SIL1: variants seen among roughly 807,000 people sequenced by gnomAD.
The protein encoded by SIL1 is SIL1 nucleotide exchange factor, also known as nucleotide exchange factor SIL1.
In SIL1, 40 loss-of-function variants were observed where a neutral mutation model predicts 49.1. The ratio of observed to expected loss-of-function variants is 0.81; its 90% CI spans 0.63 to 1.06. The LOEUF is 1.06. Among genes scored for constraint, SIL1 ranks in the 50% least tolerant of loss-of-function variants. SIL1 has a pLI of 0.00. For synonymous variants in SIL1, 253 were observed against 250.8 expected (o/e 1.01, Z -0.08); for missense variants, 500 against 572.6 (o/e 0.87, Z 1.29).
intron 1 of SIL1, among the ~76,000 whole-genome samples, chr5:139,146,705 G>C (rs1422461942): frequency 1.3e-5 from 2 of 152,162 alleles, no homozygotes; most frequent in Admixed American, 1.3e-4. Flanking sequence ...TCATGAATGT[G>C]TGTTAAATTT....
intron 7 of SIL1, chr5:139,012,931 G>A (rs1409212680): frequency 6.6e-6 from 1 of 152,186 alleles, no homozygotes; most frequent in Non-Finnish European, 1.5e-5. Context: ...TCTAGGCTTG[G>A]GTGATACAGC....
chr5:138,951,287 G>A lies in SIL1; in HGVS notation c.913C>T (p.Arg305Trp), dbSNP rs758782317. 232 of 1,570,264 alleles carry A rather than the reference G, an allele frequency of 1.5e-4. No individual in the cohort carries two copies. The highest frequency in any genetic ancestry group is 2.4e-4 in the East Asian group (10 of 42,540). The change falls in exon 9 of 10, where the codon CGG (arginine) becomes TGG (tryptophan). Residue 305 changes from arginine (R) to tryptophan (W), a missense_variant. Transcript: ENST00000394817. ...SLLRHFPYAQ[R>W]QFLKLGGLQV... ...AGCCCCCCGAGCTTCAGGAACTGCC[G>A]CTGGGCATAGGGGAAGTGGCGCAGC...
chr5:139,142,746 C>G (rs1313484405), intron 1 of SIL1, among the ~76,000 whole-genome samples: 1 of 152,042 alleles, frequency 6.6e-6, no homozygotes, highest in Non-Finnish European at 1.5e-5. Flanking sequence ...CAAAGATACC[C>G]ACTTTCACCA....
intron 3 of SIL1, among the ~76,000 whole-genome samples, chr5:139,079,160 T>C (rs531570337): frequency 4.0e-4 from 61 of 152,238 alleles, no homozygotes; most frequent in African/African-American, 1.4e-3. Context: ...CAGTGAAACA[T>C]CAGATGAAAA....
At chr5:139,133,052 T>C (rs1750898141) in intron 1 of SIL1, among the ~76,000 whole-genome samples, 1 of 74,934 alleles carries the variant, frequency 1.3e-5, no homozygotes, top group Non-Finnish European at 2.7e-5. Context: ...CAATGGCCCC[T>C]GCATACCCTG....
chr5:139,082,245 C>T (rs537076948), intron 3 of SIL1, among the ~76,000 whole-genome samples: 1 of 152,282 alleles, frequency 6.6e-6, no homozygotes, highest in Admixed American at 6.5e-5. Context: ...CCTAGAGCAG[C>T]CTTCAGGCTG....
intron 3 of SIL1, among the ~76,000 whole-genome samples, chr5:139,112,697 G>A (rs1220821910): frequency 8.2e-4 from 122 of 148,576 alleles, no homozygotes; most frequent in African/African-American, 2.6e-3. Context: ...GCCTCCGCCC[G>A]GCCGCCGCCC....
chr5:139,103,612 A>G (rs1581102169), intron 3 of SIL1, among the ~76,000 whole-genome samples: 1 of 152,338 alleles, frequency 6.6e-6, no homozygotes. Flanking sequence ...GACCCTGCTC[A>G]TCTCAGAGAC....
chr5:139,167,250 G>A (rs2151813278), intron 1 of SIL1, among the ~76,000 whole-genome samples: 1 of 152,292 alleles, frequency 6.6e-6, no homozygotes, highest in African/African-American at 2.4e-5. Flanking sequence ...GTGAGCCACA[G>A]TACCCAGCCA....
At chr5:139,033,867 C>A (rs976814331) in intron 5 of SIL1, among the ~76,000 whole-genome samples, 4 of 152,120 alleles carry the variant, frequency 2.6e-5, no homozygotes, top group Admixed American at 2.6e-4. Context: ...CTCTTTAATA[C>A]CCTTACTGAT....
chr5:139,049,864 T>C (rs980986829), intron 4 of SIL1, among the ~76,000 whole-genome samples: 3 of 151,278 alleles, frequency 2.0e-5, no homozygotes, highest in Non-Finnish European at 2.9e-5. Flanking sequence ...ACTCAATCCA[T>C]AACTAATAAT....
intron 2 of SIL1, among the ~76,000 whole-genome samples, chr5:139,121,536 G>T (rs901537616): frequency 1.3e-5 from 2 of 152,148 alleles, no homozygotes; most frequent in Non-Finnish European, 2.9e-5. Flanking sequence ...ACTGTTTGAT[G>T]TTTAAAACTC....
At chr5:139,052,971 C>T (rs1308084434) in intron 3 of SIL1, among the ~76,000 whole-genome samples, 4 of 152,080 alleles carry the variant, frequency 2.6e-5, no homozygotes, top group Non-Finnish European at 2.9e-5. Context: ...CATCAAACAG[C>T]GGCGGAAGAT....
intron 5 of SIL1, among the ~76,000 whole-genome samples, chr5:139,041,078 G>A (rs1284550457): frequency 6.6e-6 from 1 of 152,090 alleles, no homozygotes; most frequent in Non-Finnish European, 1.5e-5. Context: ...CCAAAGCCCT[G>A]GCCAGTCCCT....
intron 1 of SIL1, among the ~76,000 whole-genome samples, chr5:139,139,513 A>G (rs1415971759): frequency 6.6e-6 from 1 of 152,196 alleles, no homozygotes; most frequent in Non-Finnish European, 1.5e-5. Flanking sequence ...TCACACTCTA[A>G]AAGCAAATAC....
At chr5:139,093,941 C>T (rs2151777979) in intron 3 of SIL1, 1 of 152,320 alleles carries the variant, frequency 6.6e-6, no homozygotes, top group Admixed American at 6.5e-5. Context: ...AATAAGTGTT[C>T]CTCCTCTCAG....
chr5:139,136,562 T>TA (rs1172176184), intron 1 of SIL1, among the ~76,000 whole-genome samples: 1 of 152,150 alleles, frequency 6.6e-6, no homozygotes, highest in Non-Finnish European at 1.5e-5. Context: ...AGTGCAGACC[T>TA]ACACAGGTCA....
At chr5:138,978,471 G>A (rs1233233886) in intron 7 of SIL1, among the ~76,000 whole-genome samples, 1 of 152,030 alleles carries the variant, frequency 6.6e-6, no homozygotes, top group Non-Finnish European at 1.5e-5. Context: ...TCCACTTTTT[G>A]GCTGTTATGA....
intron 3 of SIL1, among the ~76,000 whole-genome samples, chr5:139,083,067 A>C (rs1255295031): frequency 6.6e-6 from 1 of 152,232 alleles, no homozygotes; most frequent in African/African-American, 2.4e-5. Flanking sequence ...CTCCTGATTT[A>C]GGAGCAAGAA....
Sources: gnomAD v4.1 joint callset for allele counts (sites outside exome capture counted in the v4.1 genomes callset) on GRCh38, gnomAD v4.1.1 for gene constraint, MANE v1.5 for transcripts, NCBI Gene and HGNC (gene_info 2026-07-23, HGNC 2026-07-21) for gene names.